WHAMM: variants seen among roughly 807,000 people sequenced by gnomAD.
The protein encoded by WHAMM is WASP homolog-associated protein with actin, membranes and microtubules.
WHAMM carries 67 observed loss-of-function variants against 76.5 expected under a neutral mutation model. That is an observed-to-expected ratio of 0.88 (90% CI 0.72 to 1.07). The LOEUF (loss-of-function observed/expected upper bound fraction) is 1.07. WHAMM is among the 50% of genes least tolerant of loss of function. The pLI is 0.00. For synonymous variants in WHAMM, 419 were observed against 422.1 expected, an observed-to-expected ratio of 0.99 and a Z score of 0.09; for missense variants, 1,021 against 1,051.1, an observed-to-expected ratio of 0.97 and a Z score of 0.40.
At chr15:82,815,146 T>TATATATATAA (rs2050704106) in intron 2 of WHAMM, among the ~76,000 whole-genome samples, 1 of 40,366 alleles carries the variant, frequency 2.5e-5, no homozygotes, top group Non-Finnish European at 4.8e-5. Flanking sequence ...TATATATATA[T>TATATATATAA]ATATATATAG....
At position 82,833,787 on chromosome 15, in the gene WHAMM, TG is replaced by T; in HGVS notation, c.*255del. 2.1e-6 allele frequency: 1 copy of T among 465,506 alleles called. No individual in the cohort carries two copies. The highest frequency in any genetic ancestry group is 2.6e-5 in the South Asian group (1 of 38,162). 28.8% of individuals were successfully genotyped at this position (465,506 alleles called of 1,614,324 possible). ...TCACCGCAAGCTCCGCTTCCCAGGCTGGGGTGCAGTGGTGCGATCTTGGCTC... is the reference window on the plus strand; with the variant it reads ...TCACCGCAAGCTCCGCTTCCCAGGCTGGGTGCAGTGGTGCGATCTTGGCTC... On this transcript the variant is annotated 3_prime_UTR_variant, in exon 10 of 10. Transcript: ENST00000286760.
rs2051107651 is a variant in WHAMM, at chr15:82,834,929, T to TTAAC, written c.*1396_*1397insCTAA. 1 of 152,086 alleles carries TTAAC rather than the reference T, an allele frequency of 6.6e-6. No homozygotes were observed. Among genetic ancestry groups the TTAAC allele is most frequent in the African/African-American group, 2.4e-5 (1 of 41,368 alleles). The allele number at this position is 152,086 out of a possible 1,614,324, so 9.4% of individuals were successfully genotyped here. ...ATGCTGAAGTATTTTCTCCTTAAAA[T>TTAAC]TAAATTTTTAAAATCAGGGAAGGGG... On this transcript the variant is annotated 3_prime_UTR_variant, in exon 10 of 10. Transcript: ENST00000286760.
At chr15:82,817,391 A>C (rs2050744013) in intron 3 of WHAMM, among the ~76,000 whole-genome samples, 2 of 152,204 alleles carry the variant, frequency 1.3e-5, no homozygotes, top group South Asian at 4.1e-4. Context: ...GGCTGGGTGA[A>C]GGACTTTTTT....
At chr15:82,833,208 G>T (rs762205997) in intron 9 of WHAMM, 21 bp from the exon 10 acceptor site, 1 of 1,608,176 alleles carries the variant, frequency 6.2e-7, no homozygotes, top group South Asian at 1.1e-5. Flanking sequence ...GATAGTACTA[G>T]CTCTGCTTAT....
At chr15:82,810,526 G>T in intron 1 of WHAMM, 191 bp downstream of exon 1, 6 of 985,474 alleles carry the variant, frequency 6.1e-6, no homozygotes, top group Non-Finnish European at 6.0e-6. Context: ...GCTGCGGGAG[G>T]GTCTGCAGAG....
rs557396827 is a variant in WHAMM, at chr15:82,821,364, G to A, written c.1271-1736G>A. Among the ~76,000 whole-genome samples, 8 of 152,208 alleles carry A rather than the reference G, an allele frequency of 5.3e-5. No individual in the cohort carries two copies. The East Asian group carries it at 1.5e-3, about 29-fold the overall frequency. On this transcript the variant is annotated intron_variant, in intron 5 of 9. Coordinates refer to ENST00000286760, the MANE Select transcript of WHAMM (RefSeq NM_001080435.3). ...ATATGCTTATGTTTTCTTTTCGTATGTTTATGATGTTGCTTTTTAAAACAT... is the reference window on the plus strand; with the variant it reads ...ATATGCTTATGTTTTCTTTTCGTATATTTATGATGTTGCTTTTTAAAACAT...
chr15:82,815,111 TTATATATATATATATATATATATATA>T lies in WHAMM; in HGVS notation c.784-1562_784-1537del, dbSNP rs147147568. Among the ~76,000 whole-genome samples the T allele has an allele frequency of 3.0e-4, 15 of 49,622 alleles. 1 individual carries two copies. In the East Asian group the frequency reaches 7.3e-3, roughly 24 times the overall value. 32.6% of individuals were successfully genotyped at this position (49,622 alleles called of 152,430 possible). A position where few individuals can be genotyped will look rare whatever the true frequency, so the allele number is the denominator to read the frequency against. On this transcript the variant is annotated intron_variant, in intron 2 of 9. Transcript: ENST00000286760. ...TGTTTTAAGATATCACTCACAGATT[TTATATATATATATATATATATATATA>T]TATATATATATATATATAGTACAAT...
chr15:82,827,066 A>G (rs1596286638), intron 8 of WHAMM, among the ~76,000 whole-genome samples: 1 of 152,224 alleles, frequency 6.6e-6, no homozygotes, highest in East Asian at 1.9e-4. Context: ...TGACATCACA[A>G]CACGCTTGGG....
At chr15:82,813,068 T>G (rs751695499) in intron 1 of WHAMM, 35 bp from the exon 2 acceptor site, 47 of 1,544,246 alleles carry the variant, frequency 3.0e-5, no homozygotes, top group Non-Finnish European at 3.7e-5. Flanking sequence ...AAATATACTG[T>G]CCTGACTTGA....
chr15:82,834,867 G>A lies in WHAMM; in HGVS notation c.*1331G>A, dbSNP rs1451445507. ...TTTGTTTAAGTGAATACTAAGGATGGAGCAATAGTGTTATTTTCCTCAGGA... is the reference window on the plus strand; with the variant it reads ...TTTGTTTAAGTGAATACTAAGGATGAAGCAATAGTGTTATTTTCCTCAGGA... On this transcript the variant is annotated 3_prime_UTR_variant, in exon 10 of 10. Transcript: ENST00000286760. The A allele has an allele frequency of 6.6e-6, 1 of 152,128 alleles. No individual in the cohort carries two copies. The highest frequency in any genetic ancestry group is 1.5e-5 in the Non-Finnish European group (1 of 68,016). 9.4% of individuals were successfully genotyped at this position (152,128 alleles called of 1,614,324 possible). A position where few individuals can be genotyped will look rare whatever the true frequency, so the allele number is the denominator to read the frequency against.
intron 5 of WHAMM, among the ~76,000 whole-genome samples, chr15:82,821,345 T>G (rs2050823859): frequency 6.6e-6 from 1 of 152,250 alleles, no homozygotes; most frequent in Non-Finnish European, 1.5e-5. Flanking sequence ...CAATATATGC[T>G]TATGTTTTCT....
intron 8 of WHAMM, among the ~76,000 whole-genome samples, chr15:82,827,312 TTTTTTTGAAGTATA>T (rs2050952197): frequency 6.6e-6 from 1 of 152,148 alleles, no homozygotes; most frequent in Admixed American, 6.5e-5. Flanking sequence ...TTCTTTTTTC[TTTTTTTGAAGTATA>T]TACTTATGAG....
chr15:82,827,843 G>T (rs2050961936), intron 8 of WHAMM, among the ~76,000 whole-genome samples: 1 of 152,102 alleles, frequency 6.6e-6, no homozygotes, highest in Non-Finnish European at 1.5e-5. Context: ...TACTTGGGAG[G>T]CTAAGGCACA....
chr15:82,820,768 G>T (rs574793195), intron 5 of WHAMM, among the ~76,000 whole-genome samples: 1 of 152,082 alleles, frequency 6.6e-6, no homozygotes, highest in African/African-American at 2.4e-5. Context: ...GATGGTAGGC[G>T]CCTGTAATCC....
intron 2 of WHAMM, among the ~76,000 whole-genome samples, chr15:82,815,155 A>T (rs4778690): frequency 0.048 from 2,193 of 46,010 alleles, 194 homozygotes; most frequent in Middle Eastern, 0.087. Context: ...ATATATATAT[A>T]GTACAATTCA....
In WHAMM at chr15:82,830,603, G is replaced by A. The variant is rs202123845; in HGVS notation, c.1646G>A (p.Arg549His). The A allele has an allele frequency of 1.4e-4, 225 of 1,608,418 alleles. No individual in the cohort carries two copies. The highest frequency in any genetic ancestry group is 2.2e-5 in the East Asian group (1 of 44,744). The change falls in exon 9 of 10, where the codon CGC becomes CAC. Residue 549 changes from arginine (R) to histidine (H), a missense_variant. Around this residue, in one of 3 missense-constraint regions of WHAMM, gnomAD observed 509 missense variants for 492.3 expected, o/e 1.03. Coordinates refer to ENST00000286760, the MANE Select transcript of WHAMM (RefSeq NM_001080435.3). ...ACCATGGTTTTTCATTTTCAGAAAC[G>A]CCTAGCTCAATCTGTCCGAAACACC... ...LQRLRSFKDK[R>H]LAQSVRNTSG...
chr15:82,830,644 G>A lies in WHAMM; in HGVS notation c.1687G>A (p.Val563Met). 6.2e-7 allele frequency: 1 copy of A among 1,613,908 alleles called. No homozygotes were observed. Among genetic ancestry groups the A allele is most frequent in the Non-Finnish European group, 8.5e-7 (1 of 1,179,886 alleles). ...CCGAAACACCTCTGGCTCAGAACCT[G>A]TGGCTCCAAACCTGCCAAGTGATCT... ...SVRNTSGSEPVAPNLPSDLSQ... is the reference protein window; with the variant it reads ...SVRNTSGSEPMAPNLPSDLSQ... Residue 563 changes from valine (V) to methionine (M), a missense_variant, in exon 9 of 10, where the codon GTG becomes ATG. By Grantham distance (21) the Val-to-Met change is conservative. This residue lies in a region of WHAMM where 509 missense variants were observed against 492.3 expected (regional missense o/e 1.03). Transcript: ENST00000286760.
chr15:82,815,289 T>C (rs2050708904), intron 2 of WHAMM, among the ~76,000 whole-genome samples: 1 of 151,540 alleles, frequency 6.6e-6, no homozygotes, highest in Admixed American at 6.6e-5. Flanking sequence ...ACCAATCTAC[T>C]TTCTGTCTCT....
At chr15:82,811,480 A>G (rs114098598) in intron 1 of WHAMM, among the ~76,000 whole-genome samples, 1,729 of 152,330 alleles carry the variant, frequency 0.011, 28 homozygotes, top group African/African-American at 0.039. Context: ...AAATACTATC[A>G]GAAAAGTTAT....
Sources: allele counts gnomAD v4.1 joint callset (sites outside exome capture counted in the v4.1 genomes callset), GRCh38; gene constraint gnomAD v4.1.1; regional missense constraint gnomAD v4.1.1; transcripts MANE v1.5; gene names NCBI Gene and HGNC (gene_info 2026-07-23, HGNC 2026-07-21).